The following NAV2 variants were observed in gnomAD, a reference collection of about 807,000 sequenced individuals.
NAV2 encodes neuron navigator 2.
A neutral mutation model predicts 223.2 loss-of-function variants in NAV2; 54 were observed. That is an observed-to-expected ratio of 0.24 (90% CI 0.19 to 0.30). NAV2 has a LOEUF of 0.30. NAV2 is among the 10% of genes least tolerant of loss of function. The probability of loss-of-function intolerance (pLI) is 1.00; values close to 1 mark genes in which losing one functional copy is unlikely to be tolerated. For synonymous variants in NAV2, 1,279 were observed against 1,239.3 expected, an observed-to-expected ratio of 1.03 and a Z score of -0.67; for missense variants, 2,806 against 3,147.5, an observed-to-expected ratio of 0.89 and a Z score of 2.60.
intron 1 of NAV2, among the ~76,000 whole-genome samples, chr11:19,757,951 A>G (rs1243916808): frequency 2.0e-5 from 3 of 152,156 alleles, no homozygotes; most frequent in African/African-American, 7.2e-5. Context: ...CAGTGTCATC[A>G]TTATCATTAC....
chr11:19,686,371 A>G (rs2049025143), intron 1 of NAV2, among the ~76,000 whole-genome samples: 1 of 152,148 alleles, frequency 6.6e-6, no homozygotes, highest in Non-Finnish European at 1.5e-5. Context: ...TGTCCCCAAC[A>G]CTGGGCCTGA....
In NAV2 at chr11:19,998,882, T is replaced by C. The variant is rs907686918; in HGVS notation, c.2768+14635T>C. Among the ~76,000 whole-genome samples the C allele has an allele frequency of 6.6e-6, 1 of 152,118 alleles. No homozygotes were observed. Among genetic ancestry groups the C allele is most frequent in the African/African-American group, 2.4e-5 (1 of 41,366 alleles). On this transcript the variant is annotated intron_variant, in intron 11 of 37. Transcript: ENST00000349880. This position sits in a 1 kb window ranked among gnomAD's most constrained non-coding sequence, Gnocchi z 5.0. Reference sequence around the variant, plus strand: ...ATCTCTTACTTTCATGTGTGTTAATTTTTATTTATTTGCCTGTTATGTCTT... The same window carrying C: ...ATCTCTTACTTTCATGTGTGTTAATCTTTATTTATTTGCCTGTTATGTCTT...
At chr11:19,903,778 G>A (rs1030098462) in intron 6 of NAV2, among the ~76,000 whole-genome samples, 1 of 152,176 alleles carries the variant, frequency 6.6e-6, no homozygotes, top group Non-Finnish European at 1.5e-5. Flanking sequence ...GCATTCTCAG[G>A]CACTGTGCTT....
At chr11:19,633,118 G>A (rs769390322) in intron 1 of NAV2, among the ~76,000 whole-genome samples, 14 of 149,936 alleles carry the variant, frequency 9.3e-5, no homozygotes, top group Non-Finnish European at 1.5e-4. Context: ...CCCCTCAGAA[G>A]ACAGCGACCA....
intron 6 of NAV2, among the ~76,000 whole-genome samples, chr11:19,921,921 T>C (rs2044309180): frequency 6.6e-6 from 1 of 152,350 alleles, no homozygotes; most frequent in Non-Finnish European, 1.5e-5. Flanking sequence ...GTTAGTAATA[T>C]TGCTATATAT....
chr11:19,942,856 C>T (rs559742368), intron 8 of NAV2, among the ~76,000 whole-genome samples: 6 of 152,230 alleles, frequency 3.9e-5, no homozygotes, highest in Non-Finnish European at 8.8e-5. Context: ...GGTGGTGCAT[C>T]TCTGTAGCCC....
intron 1 of NAV2, among the ~76,000 whole-genome samples, chr11:19,401,439 C>T (rs1849681772): frequency 6.6e-6 from 1 of 152,168 alleles, no homozygotes; most frequent in South Asian, 2.1e-4. Flanking sequence ...GCATTTCCCA[C>T]CTAATAAAAT....
At position 19,512,639 on chromosome 11, in the gene NAV2, G is replaced by A. The variant is rs554184104; in HGVS notation, c.75+161612G>A. Among the ~76,000 whole-genome samples the A allele has an allele frequency of 2.6e-5, 4 of 152,338 alleles. No homozygotes were observed. In the South Asian group the frequency reaches 8.3e-4, roughly 32 times the overall value. ...GGCAAAATGACTAATTGGAATTGCTGAATAACTCGGGACCAGGTGGAAGCC... is the reference window on the plus strand; with the variant it reads ...GGCAAAATGACTAATTGGAATTGCTAAATAACTCGGGACCAGGTGGAAGCC... On this transcript the variant is annotated intron_variant, in intron 1 of 37. Transcript: ENST00000360655.
chr11:19,949,231 G>A, intron 10 of NAV2, 151 bp downstream of exon 10: 2 of 887,620 alleles, frequency 2.3e-6, no homozygotes, highest in Non-Finnish European at 3.3e-6. Flanking sequence ...TGACATGGAG[G>A]GAAACGCTGC....
chr11:19,984,214 G>A lies in NAV2; in HGVS notation c.2735G>A (p.Arg912Gln), dbSNP rs144524855. The change falls in exon 11 of 38, where the codon CGA becomes CAA. Residue 912 changes from arginine to glutamine, a missense_variant. Coordinates refer to ENST00000349880, the MANE Select transcript of NAV2 (RefSeq NM_145117.5). ...GMAVVRETLQ[R>Q]NTSLGLGDAD... is the part of the protein sequence containing the mutation. ...GCTGTGGTACGGGAGACCCTGCAAC[G>A]AAATACCTCCCTGGGCCTCGGAGAC... 55 of 1,614,192 alleles carry A rather than the reference G, an allele frequency of 3.4e-5. No homozygotes were observed. In the East Asian group the frequency reaches 7.6e-4, roughly 22 times the overall value.
intron 10 of NAV2, among the ~76,000 whole-genome samples, chr11:19,954,788 T>C (rs1482141433): frequency 1.3e-5 from 2 of 152,156 alleles, no homozygotes; most frequent in African/African-American, 4.8e-5. Context: ...TTGCTGTATC[T>C]GTATTAGCAC....
chr11:19,987,263 A>G (rs977300368), intron 11 of NAV2, among the ~76,000 whole-genome samples: 1 of 152,248 alleles, frequency 6.6e-6, no homozygotes, highest in African/African-American at 2.4e-5. Context: ...TCTTTAAACA[A>G]CTTAGATAAT....
intron 1 of NAV2, among the ~76,000 whole-genome samples, chr11:19,789,043 A>G (rs1199916942): frequency 6.6e-6 from 1 of 152,218 alleles, no homozygotes; most frequent in African/African-American, 2.4e-5. Flanking sequence ...ACTGAGAGGC[A>G]TAAGATAGGT....
chr11:19,719,484 A>T (rs1350420846), intron 1 of NAV2, among the ~76,000 whole-genome samples: 2 of 152,166 alleles, frequency 1.3e-5, no homozygotes, highest in Non-Finnish European at 2.9e-5. Context: ...AGAAATGGTG[A>T]TGCTTATAGG....
chr11:19,623,652 A>T (rs1224668637), intron 1 of NAV2, among the ~76,000 whole-genome samples: 1 of 152,182 alleles, frequency 6.6e-6, no homozygotes, highest in African/African-American at 2.4e-5. Context: ...TGGTTATTCC[A>T]GTTAGCCATT....
intron 2 of NAV2, among the ~76,000 whole-genome samples, chr11:19,833,419 G>A (rs991825871): frequency 2.6e-5 from 4 of 152,236 alleles, no homozygotes; most frequent in African/African-American, 4.8e-5. Flanking sequence ...GCTCAAATCC[G>A]TGGAGTACGT....
chr11:19,868,148 A>G (rs560901035), intron 3 of NAV2, among the ~76,000 whole-genome samples: 1 of 152,304 alleles, frequency 6.6e-6, no homozygotes, highest in African/African-American at 2.4e-5. Flanking sequence ...ATTGTGTGAA[A>G]TTCAAAGACC....
chr11:20,095,612 C>A, intron 29 of NAV2, 60 bp from the exon 30 acceptor site: 2 of 1,244,428 alleles, frequency 1.6e-6, no homozygotes, highest in South Asian at 1.2e-5. Flanking sequence ...GAGTCCTCTG[C>A]TGAACTGAGT....
Position 19,425,584 on chromosome 11 carries a change from G to T in NAV2, c.75+74557G>T, listed in dbSNP as rs2702638. 5.9e-5 allele frequency among the ~76,000 whole-genome samples: 9 copies of T among 152,244 alleles called. No homozygotes were observed. The South Asian group carries it at 1.9e-3, about 32-fold the overall frequency. On this transcript the variant is annotated intron_variant, in intron 1 of 37. Coordinates refer to the NAV2 transcript ENST00000360655. Reference sequence around the variant, plus strand: ...GAACCATATTCTCTGTTTATTTTACGTGGTCCTGCCCCATTATGTCACAGA... The same window carrying T: ...GAACCATATTCTCTGTTTATTTTACTTGGTCCTGCCCCATTATGTCACAGA...
Sources: allele counts gnomAD v4.1 joint callset (sites outside exome capture counted in the v4.1 genomes callset), GRCh38; gene constraint gnomAD v4.1.1; non-coding constraint Gnocchi (gnomAD v3.1); transcripts MANE v1.5; gene names NCBI Gene and HGNC (gene_info 2026-07-23, HGNC 2026-07-21).